RTRAF: variants seen among roughly 807,000 people sequenced by gnomAD.
RTRAF encodes RNA transcription, translation and transport factor, also known as tRNA-splicing ligase complex subunit RTRAF.
Under a neutral mutation model 34.4 loss-of-function variants are expected in RTRAF, and 14 were observed. The observed-to-expected ratio is 0.41, with a 90% CI of 0.27 to 0.64. RTRAF has a LOEUF of 0.64. Ranked by LOEUF, RTRAF falls within the 30% of genes least tolerant of loss-of-function variation. RTRAF has a pLI of 0.34. For missense variants in RTRAF, 291 were observed against 288.4 expected, an observed-to-expected ratio of 1.01 and a Z score of -0.06; for synonymous variants, 96 against 95.3, an observed-to-expected ratio of 1.01 and a Z score of -0.04.
chr14:51,994,175 A>G (rs1890480477), intron 3 of RTRAF, among the ~76,000 whole-genome samples: 1 of 152,254 alleles, frequency 6.6e-6, no homozygotes, highest in African/African-American at 2.4e-5. Flanking sequence ...AGACTGAAAC[A>G]TGTCTAATGC....
rs1283583435 is a variant in RTRAF at position 52,004,457 on chromosome 14, G to C, written c.676G>C (p.Val226Leu). 1 of 1,613,896 alleles carries C rather than the reference G, an allele frequency of 6.2e-7. No homozygotes were observed. The highest frequency in any genetic ancestry group is 8.5e-7 in the Non-Finnish European group (1 of 1,179,926). Reference protein sequence around the residue: ...QTKINEAIVAVQAIIADPKTD... With the variant: ...QTKINEAIVALQAIIADPKTD... ...AAAAATCAACGAAGCCATAGTAGCTGTTCAGGCAATTATTGCTGATCCAAA... is the reference window on the plus strand; with the variant it reads ...AAAAATCAACGAAGCCATAGTAGCTCTTCAGGCAATTATTGCTGATCCAAA... Residue 226 changes from valine (V) to leucine (L), a missense_variant, in exon 8 of 8, where the codon GTT becomes CTT. Physicochemically the swap from Val to Leu is conservative, Grantham distance 32 (BLOSUM62 1). Transcript: ENST00000261700.
rs1192759993 is a variant in RTRAF, at chr14:52,008,148, A to ATC, written c.*3632_*3633insTC. On this transcript the variant is annotated 3_prime_UTR_variant, in exon 8 of 8. Coordinates refer to ENST00000261700, the MANE Select transcript of RTRAF (RefSeq NM_016039.3). The stretch of plus-strand genomic sequence containing the variant: ...GTGCATAGAGTATAGCAGAAGTGAT[A>ATC]GGCTATCACTGCCGATATTCGGTCT... 1.2e-5 allele frequency: 6 copies of ATC among 500,084 alleles called. No individual in the cohort carries two copies. In the Admixed American group the frequency reaches 2.3e-4, roughly 19 times the overall value. 31.0% of individuals were successfully genotyped at this position (500,084 alleles called of 1,614,324 possible). A position where few individuals can be genotyped will look rare whatever the true frequency, so the allele number is the denominator to read the frequency against.
In RTRAF at chr14:52,004,606, G is replaced by A. The variant is rs552612691; in HGVS notation, c.*90G>A. 8 of 1,312,576 alleles carry A rather than the reference G, an allele frequency of 6.1e-6. No individual in the cohort carries two copies. In the Admixed American group the frequency reaches 7.7e-5, roughly 13 times the overall value. 81.3% of individuals were successfully genotyped at this position (1,312,576 alleles called of 1,614,324 possible). ...TTGGAAATCAAAATGTCACATTCTC[G>A]GGGGAGGAAGCCCAGAAAATTGGGT... On this transcript the variant is annotated 3_prime_UTR_variant, in exon 8 of 8. Coordinates refer to ENST00000261700, the MANE Select transcript of RTRAF (RefSeq NM_016039.3).
In RTRAF at chr14:52,005,194, CT is replaced by C. The variant is rs1483551255; in HGVS notation, c.*682del. The stretch of plus-strand genomic sequence containing the variant: ...TAATTCTTAGTTGAATGAATTTGAT[CT>C]TTTAAATATTAATGATAAATGTTTA... On this transcript the variant is annotated 3_prime_UTR_variant, in exon 8 of 8. Coordinates refer to ENST00000261700, the MANE Select transcript of RTRAF (RefSeq NM_016039.3). The C allele has an allele frequency of 7.0e-6, 2 of 287,206 alleles. No homozygotes were observed. Among genetic ancestry groups the C allele is most frequent in the Non-Finnish European group, 1.3e-5 (2 of 155,488 alleles). 17.8% of individuals were successfully genotyped at this position (287,206 alleles called of 1,614,324 possible). A position where few individuals can be genotyped will look rare whatever the true frequency, so the allele number is the denominator to read the frequency against.
intron 6 of RTRAF, among the ~76,000 whole-genome samples, chr14:52,003,574 A>G (rs1421933504): frequency 3.9e-5 from 6 of 152,106 alleles, no homozygotes; most frequent in Non-Finnish European, 5.9e-5. Context: ...TCATTTTAGA[A>G]TTTGTTTCTG....
intron 3 of RTRAF, 98 bp from the exon 4 acceptor site, chr14:51,998,396 C>A: frequency 1.6e-6 from 1 of 621,570 alleles, no homozygotes; most frequent in Non-Finnish European, 2.7e-6. Flanking sequence ...GGAAACTCAA[C>A]CTGTAATCAT....
Position 52,006,946 on chromosome 14 carries a change from A to G in RTRAF, c.*2430A>G. The G allele has an allele frequency of 4.3e-6, 1 of 234,038 alleles. No individual in the cohort carries two copies. Among genetic ancestry groups the G allele is most frequent in the South Asian group, 6.3e-5 (1 of 15,928 alleles). The allele number at this position is 234,038 out of a possible 1,614,324, so 14.5% of individuals were successfully genotyped here. ...CATAATTATTTTTATAATTTGTGTGATTTCAAGCCTTAGCTTATAAATTAT... is the reference window on the plus strand; with the variant it reads ...CATAATTATTTTTATAATTTGTGTGGTTTCAAGCCTTAGCTTATAAATTAT... On this transcript the variant is annotated 3_prime_UTR_variant, in exon 8 of 8. Transcript: ENST00000261700.
rs367945451 is a variant in RTRAF at position 52,001,794 on chromosome 14, T to C, written c.463-4T>C. The C allele has an allele frequency of 2.5e-6, 4 of 1,611,348 alleles. No individual in the cohort carries two copies. The highest frequency in any genetic ancestry group is 3.4e-6 in the Non-Finnish European group (4 of 1,179,020). On this transcript the variant is annotated splice_region_variant and splice_polypyrimidine_tract_variant and intron_variant, in intron 5 of 7. Transcript: ENST00000261700. The stretch of plus-strand genomic sequence containing the variant: ...AAAAGTAAAAATATTTTTGGGTTTC[T>C]TAGGCAATTCGGATTTTGGTTCAGG...
chr14:51,993,686 A>G, intron 2 of RTRAF, 37 bp from the exon 3 acceptor site: 1 of 1,252,594 alleles, frequency 8.0e-7, no homozygotes, highest in Non-Finnish European at 1.2e-6. Context: ...TTATGGTAAT[A>G]ATGAAACTGG....
chr14:51,994,684 C>A (rs917879004), intron 3 of RTRAF, among the ~76,000 whole-genome samples: 2 of 152,120 alleles, frequency 1.3e-5, no homozygotes, highest in Admixed American at 6.5e-5. Flanking sequence ...CTCCTTGTTT[C>A]CAAAGAACAG....
chr14:52,002,942 T>C (rs1890624590), intron 6 of RTRAF, among the ~76,000 whole-genome samples: 1 of 152,324 alleles, frequency 6.6e-6, no homozygotes, highest in East Asian at 1.9e-4. Context: ...AAAGATCAGC[T>C]TATTTCACCC....
chr14:52,004,409 G>C lies in RTRAF; in HGVS notation c.628G>C (p.Glu210Gln). 1 of 1,613,926 alleles carries C rather than the reference G, an allele frequency of 6.2e-7. No individual in the cohort carries two copies. The highest frequency in any genetic ancestry group is 8.5e-7 in the Non-Finnish European group (1 of 1,179,882). ...AAQILRLLHI[E>Q]ELRELQTKIN... Reference sequence around the variant, plus strand: ...TCAAATTCTGCGATTGCTGCACATAGAGGAGCTCAGAGAGCTACAGACAAA... The same window carrying C: ...TCAAATTCTGCGATTGCTGCACATACAGGAGCTCAGAGAGCTACAGACAAA... The change falls in exon 8 of 8, where the codon GAG (glutamate) becomes CAG (glutamine). Residue 210 changes from glutamate to glutamine, a missense_variant. Transcript: ENST00000261700.
intron 3 of RTRAF, 91 bp downstream of exon 3, chr14:51,993,913 C>A: frequency 1.4e-6 from 1 of 711,232 alleles, no homozygotes; most frequent in Non-Finnish European, 2.3e-6. Flanking sequence ...TTTGTTTTGT[C>A]TAGTACTATT....
intron 6 of RTRAF, 65 bp downstream of exon 6, chr14:52,001,931 A>G: frequency 7.4e-7 from 1 of 1,348,246 alleles, no homozygotes; most frequent in Non-Finnish European, 1.0e-6. Flanking sequence ...CCGTGATTTT[A>G]AACTTTGCAT....
In RTRAF at chr14:52,006,048, C is replaced by CATG; in HGVS notation, c.*1537_*1539dup. 1.8e-6 allele frequency: 1 copy of CATG among 563,660 alleles called. No homozygotes were observed. The highest frequency in any genetic ancestry group is 3.2e-6 in the Non-Finnish European group (1 of 312,154). 34.9% of individuals were successfully genotyped at this position (563,660 alleles called of 1,614,324 possible). On this transcript the variant is annotated 3_prime_UTR_variant, in exon 8 of 8. Coordinates refer to ENST00000261700, the MANE Select transcript of RTRAF (RefSeq NM_016039.3). The stretch of plus-strand genomic sequence containing the variant: ...CATCTCTAGCTGCATGTTAGAATCA[C>CATG]ATGATGAGCTATCAAATCAGAGTTG...
intron 4 of RTRAF, 115 bp downstream of exon 4, chr14:51,998,695 T>C: frequency 1.8e-6 from 1 of 570,252 alleles, no homozygotes. Flanking sequence ...GAAGGATCCA[T>C]GCAGACAGCA....
intron 5 of RTRAF, among the ~76,000 whole-genome samples, chr14:52,000,920 C>A (rs1169144051): frequency 6.6e-6 from 1 of 152,128 alleles, no homozygotes; most frequent in Non-Finnish European, 1.5e-5. Context: ...TATAAATCAA[C>A]TACAACAAAA....
chr14:51,992,656 G>T (rs1890450522), intron 2 of RTRAF, among the ~76,000 whole-genome samples: 1 of 152,120 alleles, frequency 6.6e-6, no homozygotes, highest in African/African-American at 2.4e-5. Context: ...TTTTATGTTT[G>T]TTTATATTAC....
chr14:52,007,484 T>C lies in RTRAF; in HGVS notation c.*2968T>C, dbSNP rs1890830184. On this transcript the variant is annotated 3_prime_UTR_variant, in exon 8 of 8. Transcript: ENST00000261700. ...ACAGATGTTTATAGGTAAGTTATAG[T>C]GACCCTCTCCCCGCATAAGAATAAC... is the stretch of plus-strand genomic sequence containing the variant. The C allele has an allele frequency of 3.3e-6, 1 of 300,676 alleles. No individual in the cohort carries two copies. The highest frequency in any genetic ancestry group is 6.2e-6 in the Non-Finnish European group (1 of 160,506). The allele number at this position is 300,676 out of a possible 1,614,324, so 18.6% of individuals were successfully genotyped here.
Sources: allele counts gnomAD v4.1 joint callset (sites outside exome capture counted in the v4.1 genomes callset), GRCh38; gene constraint gnomAD v4.1.1; transcripts MANE v1.5; gene names NCBI Gene and HGNC (gene_info 2026-07-23, HGNC 2026-07-21).